Variants in CLCA2 observed in about 807,000 individuals in gnomAD.
The protein encoded by CLCA2 is chloride channel accessory 2, also known as calcium-activated chloride channel regulator 2.
In CLCA2, 85 loss-of-function variants were observed where a neutral mutation model predicts 82.9. The ratio of observed to expected loss-of-function variants is 1.03; its 90% CI spans 0.86 to 1.23. The LOEUF (loss-of-function observed/expected upper bound fraction) is 1.23. Ranked by LOEUF, CLCA2 falls within the 50% of genes most tolerant of loss-of-function variation. The probability of loss-of-function intolerance (pLI) is 0.00; values close to 1 mark genes in which losing one functional copy is unlikely to be tolerated. For missense variants in CLCA2, 1,089 were observed against 1,124.8 expected (o/e 0.97, Z 0.45); for synonymous variants, 421 against 391.7 (o/e 1.07, Z -0.88).
intron 12 of CLCA2, among the ~76,000 whole-genome samples, 173 bp from the exon 13 acceptor site, chr1:86,453,196 A>G (rs1663009024): frequency 6.6e-6 from 1 of 152,192 alleles, no homozygotes; most frequent in Non-Finnish European, 1.5e-5. Flanking sequence ...ATAAAGATCT[A>G]CTGAGTGAAT....
Position 86,453,506 on chromosome 1 carries a change from C to T in CLCA2, c.2293C>T (p.Pro765Ser). 1.9e-6 allele frequency: 3 copies of T among 1,614,090 alleles called. No individual in the cohort carries two copies. The highest frequency in any genetic ancestry group is 2.5e-6 in the Non-Finnish European group (3 of 1,180,006). ...AGCTGGCCCCCACCCTGATGTGTTTCCACCATGCAAAATTATTGACCTGGA... is the reference window on the plus strand; with the variant it reads ...AGCTGGCCCCCACCCTGATGTGTTTTCACCATGCAAAATTATTGACCTGGA... ...VPAGPHPDVF[P>S]PCKIIDLEAV... Residue 765 changes from proline to serine, a missense_variant, in exon 13 of 14, where the codon CCA (proline) becomes TCA (serine). Pro to Ser is a moderately conservative substitution (Grantham distance 74, BLOSUM62 -1). Coordinates refer to ENST00000370565, the MANE Select transcript of CLCA2 (RefSeq NM_006536.7).
chr1:86,425,735 T>C lies in CLCA2; in HGVS notation c.324+259T>C, dbSNP rs538983082. Among the ~76,000 whole-genome samples, 20 of 152,300 alleles carry C rather than the reference T, an allele frequency of 1.3e-4. No individual in the cohort carries two copies. The South Asian group carries it at 4.1e-3, about 32-fold the overall frequency. ...CTTTATTTTGTAACTTATGGAGTAC[T>C]TTCTGAAAAGTTTGGTTGAGGATCA... On this transcript the variant is annotated intron_variant, in intron 2 of 13. Coordinates refer to ENST00000370565, the MANE Select transcript of CLCA2 (RefSeq NM_006536.7).
At chr1:86,445,760 A>G (rs1662840379) in intron 10 of CLCA2, among the ~76,000 whole-genome samples, 1 of 151,948 alleles carries the variant, frequency 6.6e-6, no homozygotes, top group South Asian at 2.1e-4. Context: ...CCTAATACCA[A>G]CCATCTTTTA....
At position 86,434,837 on chromosome 1, in the gene CLCA2, G is replaced by C. The variant is rs1376249121; in HGVS notation, c.972+92G>C. 3 of 1,042,308 alleles carry C rather than the reference G, an allele frequency of 2.9e-6. No homozygotes were observed. In the East Asian group the frequency reaches 7.7e-5, roughly 27 times the overall value. The allele number at this position is 1,042,308 out of a possible 1,614,324, so 64.6% of individuals were successfully genotyped here. ...ATTTATTTTAAGTTCTGGGGTACAT[G>C]TGCAGGACGTTCAAGTTTGTTACAC... On this transcript the variant is annotated intron_variant, in intron 6 of 13. Coordinates refer to ENST00000370565, the MANE Select transcript of CLCA2 (RefSeq NM_006536.7).
At chr1:86,453,875 G>A (rs1439228287) in intron 13 of CLCA2, among the ~76,000 whole-genome samples, 1 of 152,108 alleles carries the variant, frequency 6.6e-6, no homozygotes, top group African/African-American at 2.4e-5. Flanking sequence ...GTAGAAATGG[G>A]CTCTGCACTA....
rs77820567 is a variant in CLCA2 at position 86,434,420 on chromosome 1, A to G, written c.745-98A>G. The G allele has an allele frequency of 4.4e-3, 4,076 of 923,900 alleles. 121 individuals carry two copies. The African/African-American group carries it at 0.06, about 14-fold the overall frequency. 57.2% of individuals were successfully genotyped at this position (923,900 alleles called of 1,614,324 possible). On this transcript the variant is annotated intron_variant, in intron 5 of 13. Transcript: ENST00000370565. ...TACCACTTTTGATTTCTTTTCTTTC[A>G]GTTCACCTTTTCTTTTACCTATAGT... is the stretch of plus-strand genomic sequence containing the variant.
chr1:86,444,083 T>C, intron 10 of CLCA2, 72 bp downstream of exon 10: 1 of 964,616 alleles, frequency 1.0e-6, no homozygotes, highest in Non-Finnish European at 1.6e-6. Context: ...ATCACATGAT[T>C]AAATGCATTG....
chr1:86,425,122 A>T (rs895835787), intron 1 of CLCA2, among the ~76,000 whole-genome samples: 1 of 152,222 alleles, frequency 6.6e-6, no homozygotes, highest in Non-Finnish European at 1.5e-5. Context: ...AGGCAAGCAC[A>T]GACATATAAT....
chr1:86,438,089 T>A (rs972681855), intron 6 of CLCA2, among the ~76,000 whole-genome samples: 2 of 152,128 alleles, frequency 1.3e-5, no homozygotes, highest in African/African-American at 4.8e-5. Flanking sequence ...GCCAGAAACC[T>A]GTGTCCTAAG....
chr1:86,436,004 A>C (rs1662602739), intron 6 of CLCA2, among the ~76,000 whole-genome samples: 1 of 152,148 alleles, frequency 6.6e-6, no homozygotes, highest in African/African-American at 2.4e-5. Context: ...CCCACAAATA[A>C]TAATTTTATT....
At chr1:86,452,176 C>CTTTTTTTTTTT (rs753484167) in intron 12 of CLCA2, among the ~76,000 whole-genome samples, 37 of 43,936 alleles carry the variant, frequency 8.4e-4, no homozygotes, top group South Asian at 1.5e-3. Context: ...AACCTGGAAG[C>CTTTTTTTTTTT]TTTTTTTTTT....
At chr1:86,428,195 T>C (rs964962469) in intron 2 of CLCA2, among the ~76,000 whole-genome samples, 2 of 152,224 alleles carry the variant, frequency 1.3e-5, no homozygotes, top group African/African-American at 4.8e-5. Flanking sequence ...ATAGACCTTT[T>C]TGGAAATCCC....
chr1:86,455,302 G>T lies in CLCA2; in HGVS notation c.2607G>T (p.Met869Ile). 1 of 1,614,046 alleles carries T rather than the reference G, an allele frequency of 6.2e-7. No homozygotes were observed. The highest frequency in any genetic ancestry group is 8.5e-7 in the Non-Finnish European group (1 of 1,179,988). ...SHRIYVAIRA[M>I]DRNSLQSAVS... ...GAATTTATGTTGCAATACGAGCAAT[G>T]GATAGGAACTCCTTACAGTCTGCTG... is the stretch of plus-strand genomic sequence containing the variant. Residue 869 changes from methionine (M) to isoleucine (I), a missense_variant, in exon 14 of 14, where the codon ATG becomes ATT. By Grantham distance (10) the Met-to-Ile change is conservative. Coordinates refer to ENST00000370565, the MANE Select transcript of CLCA2 (RefSeq NM_006536.7).
At position 86,428,459 on chromosome 1, in the gene CLCA2, T is replaced by C; in HGVS notation, c.366T>C (p.Asp122=). Residue 122 remains aspartate, a synonymous_variant, in exon 3 of 14, where the codon GAT becomes GAC. Coordinates refer to ENST00000370565, the MANE Select transcript of CLCA2 (RefSeq NM_006536.7). ...IVTDWYGAHG[D]DPYTLQYRGC... The stretch of plus-strand genomic sequence containing the variant: ...CTGACTGGTATGGGGCACATGGAGA[T>C]GATCCATACACCCTACAATACAGAG... 2 of 1,612,422 alleles carry C rather than the reference T, an allele frequency of 1.2e-6. No individual in the cohort carries two copies. Among genetic ancestry groups the C allele is most frequent in the Non-Finnish European group, 8.5e-7 (1 of 1,179,228 alleles).
rs755676116 is a variant in CLCA2, at chr1:86,450,643, G to A, written c.2065G>A (p.Val689Met). ...FAANGRYSLK[V>M]HVNHSPSIST... Reference sequence around the variant, plus strand: ...TGCAAATGGTAGATATAGCTTGAAAGTGCATGTCAATCACTCTCCCAGCAT... The same window carrying A: ...TGCAAATGGTAGATATAGCTTGAAAATGCATGTCAATCACTCTCCCAGCAT... The change falls in exon 12 of 14, where the codon GTG (valine) becomes ATG (methionine). Residue 689 changes from valine (V) to methionine (M), a missense_variant. Physicochemically the swap from Val to Met is conservative, Grantham distance 21 (BLOSUM62 1). Transcript: ENST00000370565. 5 of 1,613,378 alleles carry A rather than the reference G, an allele frequency of 3.1e-6. No homozygotes were observed. The African/African-American group carries it at 4.0e-5, about 13-fold the overall frequency.
chr1:86,445,423 C>G (rs1662831358), intron 10 of CLCA2: 1 of 120,034 alleles, frequency 8.3e-6, no homozygotes. Context: ...GAGGCTGAAT[C>G]TCTCAGTTGT....
chr1:86,435,583 G>A (rs1444955021), intron 6 of CLCA2, among the ~76,000 whole-genome samples: 1 of 152,174 alleles, frequency 6.6e-6, no homozygotes, highest in Non-Finnish European at 1.5e-5. Flanking sequence ...AATCCTGGCT[G>A]CTTCACTACT....
intron 6 of CLCA2, among the ~76,000 whole-genome samples, chr1:86,438,153 G>C (rs1445356768): frequency 6.6e-6 from 1 of 152,162 alleles, no homozygotes; most frequent in African/African-American, 2.4e-5. Context: ...GTTGGAGATA[G>C]AGATCAGTGT....
chr1:86,437,504 T>C (rs191974441), intron 6 of CLCA2, among the ~76,000 whole-genome samples: 29 of 152,250 alleles, frequency 1.9e-4, no homozygotes, highest in African/African-American at 7.0e-4. Context: ...CTTGCTAGGT[T>C]GGGTGATGTA....
Sources: allele counts gnomAD v4.1 joint callset (sites outside exome capture counted in the v4.1 genomes callset), GRCh38; gene constraint gnomAD v4.1.1; transcripts MANE v1.5; gene names NCBI Gene and HGNC (gene_info 2026-07-23, HGNC 2026-07-21).